Variants in NAV2 observed in about 807,000 individuals in gnomAD.
NAV2 encodes the protein neuron navigator 2.
NAV2 carries 54 observed loss-of-function variants against 223.2 expected under a neutral mutation model. The ratio of observed to expected loss-of-function variants is 0.24; its 90% CI spans 0.19 to 0.30. The LOEUF (loss-of-function observed/expected upper bound fraction) is 0.30. NAV2 is among the 10% of genes least tolerant of loss of function. The pLI is 1.00. For missense variants in NAV2, 2,806 were observed against 3,147.5 expected (o/e 0.89, Z 2.60); for synonymous variants, 1,279 against 1,239.3 (o/e 1.03, Z -0.67).
chr11:20,071,548 A>T (rs1564984594), intron 22 of NAV2, among the ~76,000 whole-genome samples: 1 of 152,232 alleles, frequency 6.6e-6, no homozygotes, highest in Non-Finnish European at 1.5e-5. Flanking sequence ...ACTGTCTTAC[A>T]TAATGGTTGA....
chr11:19,393,895 G>GTTTTTTTTTTTTTTTTTTTTTTTTTTTTT (rs5790072), intron 1 of NAV2, among the ~76,000 whole-genome samples: 1 of 136,234 alleles, frequency 7.3e-6, no homozygotes, highest in African/African-American at 2.7e-5. Context: ...TAACTTAAGG[G>GTTTTTTTTTTTTTTTTTTTTTTTTTTTTT]TTTTTTTTTT....
intron 6 of NAV2, chr11:19,931,891 G>A (rs1245515971): frequency 6.6e-6 from 1 of 152,284 alleles, no homozygotes; most frequent in East Asian, 1.9e-4. Context: ...GGGTGTGGGT[G>A]GGTGCGGGCA....
chr11:20,074,760 C>CCTCTTTTTTTTTTTTT (rs56895607), intron 22 of NAV2, among the ~76,000 whole-genome samples: 1 of 110,262 alleles, frequency 9.1e-6, no homozygotes, highest in Non-Finnish European at 1.8e-5. Flanking sequence ...TGCAACTCTG[C>CCTCTTTTTTTTTTTTT]TTTTTTTTTT....
At chr11:19,498,677 T>C (rs1414809188) in intron 1 of NAV2, among the ~76,000 whole-genome samples, 1 of 152,244 alleles carries the variant, frequency 6.6e-6, no homozygotes, top group Non-Finnish European at 1.5e-5. Context: ...TCCATCTGCC[T>C]GCCCATCGAT....
chr11:19,609,846 T>C (rs1465087618), intron 1 of NAV2, among the ~76,000 whole-genome samples: 1 of 152,266 alleles, frequency 6.6e-6, no homozygotes, highest in Non-Finnish European at 1.5e-5. Flanking sequence ...ATATTGGCTC[T>C]AGTGCCAAGA....
chr11:20,093,127 C>T lies in NAV2; in HGVS notation c.5844C>T (p.Cys1948=), dbSNP rs2153686729. 6.2e-7 allele frequency: 1 copy of T among 1,613,998 alleles called. No homozygotes were observed. Residue 1948 remains cysteine, a synonymous_variant, in exon 29 of 38, where the codon TGC becomes TGT. Transcript: ENST00000349880. ...TGTTGCTGGATGACACTGGTGAATG[C>T]TCGGCTCGGAAGGAAGGAGGCAGGC... ...LDMLLDDTGE[C]SARKEGGRHV... is the part of the protein sequence containing the mutation.
chr11:19,409,970 G>A (rs994676056), intron 1 of NAV2, among the ~76,000 whole-genome samples: 7 of 152,200 alleles, frequency 4.6e-5, no homozygotes, highest in South Asian at 2.1e-4. Context: ...GGCCCAACTC[G>A]GGGCTAGGAA....
At chr11:19,514,799 C>A (rs1190426851) in intron 1 of NAV2, among the ~76,000 whole-genome samples, 1 of 150,610 alleles carries the variant, frequency 6.6e-6, no homozygotes, top group African/African-American at 2.4e-5. Context: ...GCTTTGGACT[C>A]ATGAGTTGAA....
At chr11:19,712,528 GC>G (rs953392280), upstream of NAV2, 2 of 152,248 alleles carry the variant, frequency 1.3e-5, no homozygotes, top group African/African-American at 4.8e-5. Context: ...CTTCCCTCGA[GC>G]CGTGCCCGCG....
chr11:19,437,167 C>A (rs991260563), intron 1 of NAV2, among the ~76,000 whole-genome samples: 1 of 152,176 alleles, frequency 6.6e-6, no homozygotes, highest in African/African-American at 2.4e-5. Flanking sequence ...ACTGACCACT[C>A]ATGAGATAAA....
chr11:19,433,766 AT>A (rs1382379457), intron 1 of NAV2, among the ~76,000 whole-genome samples: 1 of 152,236 alleles, frequency 6.6e-6, no homozygotes. Context: ...GGCAAATTGT[AT>A]TTCCCCCAAT....
chr11:19,671,033 A>T (rs1360384283), intron 1 of NAV2, among the ~76,000 whole-genome samples: 3 of 152,226 alleles, frequency 2.0e-5, no homozygotes, highest in Non-Finnish European at 4.4e-5. Flanking sequence ...GCAAATGGTT[A>T]CACCTCCGGG....
chr11:20,032,269 G>C, intron 11 of NAV2, among the ~76,000 whole-genome samples: 1 of 152,170 alleles, frequency 6.6e-6, no homozygotes, highest in East Asian at 1.9e-4. Flanking sequence ...CCATGGATTA[G>C]ATCCCTGGCT....
At chr11:19,790,455 T>C (rs1465470667) in intron 1 of NAV2, among the ~76,000 whole-genome samples, 1 of 152,044 alleles carries the variant, frequency 6.6e-6, no homozygotes, top group Non-Finnish European at 1.5e-5. Flanking sequence ...CACCCACGAG[T>C]TTTTATTCTT....
chr11:19,937,044 A>G (rs142074327), intron 7 of NAV2, among the ~76,000 whole-genome samples: 139 of 152,298 alleles, frequency 9.1e-4, no homozygotes, highest in African/African-American at 3.3e-3. Context: ...AGGCTGAGGC[A>G]TGAGAATCCC....
chr11:19,647,463 C>A (rs190691379), intron 1 of NAV2, among the ~76,000 whole-genome samples: 2 of 152,116 alleles, frequency 1.3e-5, no homozygotes, highest in African/African-American at 4.8e-5. Flanking sequence ...CACCTCCCTC[C>A]AGCACCAACA....
Position 20,119,255 on chromosome 11 carries a change from G to A in NAV2, c.*997G>A, listed in dbSNP as rs2063353826. 1 of 152,010 alleles carries A rather than the reference G, an allele frequency of 6.6e-6. No homozygotes were observed. Among genetic ancestry groups the A allele is most frequent in the Non-Finnish European group, 1.5e-5 (1 of 68,020 alleles). 9.4% of individuals were successfully genotyped at this position (152,010 alleles called of 1,614,324 possible). A position where few individuals can be genotyped will look rare whatever the true frequency, so the allele number is the denominator to read the frequency against. On this transcript the variant is annotated 3_prime_UTR_variant, in exon 38 of 38. Transcript: ENST00000349880. ...TGAAAGTAAGAACCGCAGGAGTTGAGTTTTGGTTTGGTCCTGCTCAGTTTT... is the reference window on the plus strand; with the variant it reads ...TGAAAGTAAGAACCGCAGGAGTTGAATTTTGGTTTGGTCCTGCTCAGTTTT...
intron 1 of NAV2, among the ~76,000 whole-genome samples, chr11:19,494,698 G>C (rs2042737577): frequency 6.6e-6 from 1 of 152,204 alleles, no homozygotes; most frequent in Admixed American, 6.5e-5. Context: ...GTCTCTGGAA[G>C]ATGTAATACT....
At chr11:20,031,558 C>G (rs890212768) in intron 11 of NAV2, among the ~76,000 whole-genome samples, 37 of 152,306 alleles carry the variant, frequency 2.4e-4, no homozygotes, top group Middle Eastern at 3.4e-3. Context: ...GCTGGATCTC[C>G]CAGGGGTGCT....
Sources: gnomAD v4.1 joint callset for allele counts (sites outside exome capture counted in the v4.1 genomes callset) on GRCh38, gnomAD v4.1.1 for gene constraint, MANE v1.5 for transcripts, NCBI Gene and HGNC (gene_info 2026-07-23, HGNC 2026-07-21) for gene names.